EIF4ENIF1: variants seen among roughly 807,000 people sequenced by gnomAD.
EIF4ENIF1 encodes the protein eukaryotic translation initiation factor 4E transporter.
In EIF4ENIF1, 23 loss-of-function variants were observed where a neutral mutation model predicts 110.5. That is an observed-to-expected ratio of 0.21 (90% CI 0.15 to 0.29). EIF4ENIF1 has a LOEUF of 0.29. EIF4ENIF1 is among the 10% of genes least tolerant of loss of function. EIF4ENIF1 has a pLI of 1.00. For synonymous variants in EIF4ENIF1, 440 were observed against 437.0 expected, an observed-to-expected ratio of 1.01 and a Z score of -0.09; for missense variants, 1,031 against 1,221.1, an observed-to-expected ratio of 0.84 and a Z score of 2.32.
chr22:31,450,371 C>A lies in EIF4ENIF1; in HGVS notation c.1513-11G>T, dbSNP rs1346891574. The A allele has an allele frequency of 3.7e-6, 6 of 1,610,846 alleles. No homozygotes were observed. The Admixed American group carries it at 6.7e-5, about 18-fold the overall frequency. On this transcript the variant is annotated splice_polypyrimidine_tract_variant and intron_variant, in intron 10 of 18. Coordinates refer to ENST00000330125, the MANE Select transcript of EIF4ENIF1 (RefSeq NM_019843.4). ...GCTTTCAAGGTTTCGCTAAAAGAGTCAAAAGAAAACTGGTTTTAACTTTCT... is the reference window on the plus strand; with the variant it reads ...GCTTTCAAGGTTTCGCTAAAAGAGTAAAAAGAAAACTGGTTTTAACTTTCT...
rs2050580433 is a variant in EIF4ENIF1 at position 31,449,441 on chromosome 22, C to G, written c.1675G>C (p.Gly559Arg). 6.2e-7 allele frequency: 1 copy of G among 1,613,916 alleles called. No individual in the cohort carries two copies. The highest frequency in any genetic ancestry group is 8.5e-7 in the Non-Finnish European group (1 of 1,180,004). The change falls in exon 12 of 19, where the codon GGC becomes CGC. Residue 559 changes from glycine (G) to arginine (R), a missense_variant. Transcript: ENST00000330125. ...GSLEPTTSLL[G>R]QRAPSPPLSQ... ...AAGGGAGGAGAGGGTGCTCTTTGGCCCAGTAAAGATGTTGTAGGCTCCAAG... is the reference window on the plus strand; with the variant it reads ...AAGGGAGGAGAGGGTGCTCTTTGGCGCAGTAAAGATGTTGTAGGCTCCAAG...
At chr22:31,442,728 G>A (rs183532567) in intron 16 of EIF4ENIF1, among the ~76,000 whole-genome samples, 17 of 152,214 alleles carry the variant, frequency 1.1e-4, no homozygotes, top group East Asian at 9.6e-4. Context: ...CATTCTACCC[G>A]TCTGGTAGTA....
chr22:31,450,551 C>T (rs1408138481), intron 10 of EIF4ENIF1, 191 bp from the exon 11 acceptor site: 1 of 474,074 alleles, frequency 2.1e-6, no homozygotes, highest in African/African-American at 2.0e-5. Context: ...GATGGAAAGA[C>T]CGTTCACATG....
chr22:31,481,589 G>T (rs1263247929), intron 2 of EIF4ENIF1, among the ~76,000 whole-genome samples: 2 of 152,088 alleles, frequency 1.3e-5, no homozygotes, highest in East Asian at 3.8e-4. Flanking sequence ...TGGAAAAAGG[G>T]ACCACCTGAT....
In EIF4ENIF1 at chr22:31,468,154, TCTGAGTGA is replaced by T. The variant is rs757971494; in HGVS notation, c.298+13_298+20del. 1 of 1,610,440 alleles carries T rather than the reference TCTGAGTGA, an allele frequency of 6.2e-7. No individual in the cohort carries two copies. Among genetic ancestry groups the T allele is most frequent in the Admixed American group, 1.7e-5 (1 of 59,674 alleles). ...TGTCCCCAAAATCACTAACCCCACT[TCTGAGTGA>T]CTGTGTGCTCACCTACTATCCTGCG... On this transcript the variant is annotated intron_variant, in intron 4 of 18. Coordinates refer to ENST00000330125, the MANE Select transcript of EIF4ENIF1 (RefSeq NM_019843.4).
intron 11 of EIF4ENIF1, 97 bp downstream of exon 11, chr22:31,450,192 A>T: frequency 1.1e-6 from 1 of 922,436 alleles, no homozygotes; most frequent in Non-Finnish European, 1.7e-6. Context: ...GGCAACACAG[A>T]TCATTTTCTA....
At position 31,464,001 on chromosome 22, in the gene EIF4ENIF1, A is replaced by G. The variant is rs1327464271; in HGVS notation, c.299-34T>C. 3 of 1,588,900 alleles carry G rather than the reference A, an allele frequency of 1.9e-6. No individual in the cohort carries two copies. The South Asian group carries it at 3.4e-5, about 18-fold the overall frequency. On this transcript the variant is annotated intron_variant, in intron 4 of 18. Transcript: ENST00000330125. ...ACGTGGGAAAGACAAAGTTAAACAA[A>G]CCAACAAGGGTGTTTTCTTCTTTTT...
At chr22:31,443,259 C>CAA in intron 15 of EIF4ENIF1, 165 bp from the exon 16 acceptor site, 1 of 929,592 alleles carries the variant, frequency 1.1e-6, no homozygotes. Flanking sequence ...CAGAATGGGG[C>CAA]AAATAGGCAG....
At chr22:31,459,657 G>C (rs1269539326) in intron 6 of EIF4ENIF1, among the ~76,000 whole-genome samples, 4 of 152,198 alleles carry the variant, frequency 2.6e-5, no homozygotes, top group Non-Finnish European at 5.9e-5. Flanking sequence ...TGTAGTGCCA[G>C]GTATACTCTA....
intron 2 of EIF4ENIF1, among the ~76,000 whole-genome samples, chr22:31,487,474 G>A (rs969232746): frequency 2.0e-5 from 3 of 152,112 alleles, no homozygotes; most frequent in Admixed American, 1.3e-4. Context: ...CAGTATCCCA[G>A]GAAGCCAGGG....
chr22:31,446,854 T>G (rs2050495532), intron 14 of EIF4ENIF1: 1 of 292,868 alleles, frequency 3.4e-6, no homozygotes, highest in African/African-American at 2.3e-5. Context: ...TTATGATTAA[T>G]TTCATTTTAC....
chr22:31,456,266 C>A (rs1480826981), intron 7 of EIF4ENIF1, among the ~76,000 whole-genome samples: 1 of 149,788 alleles, frequency 6.7e-6, no homozygotes, highest in Non-Finnish European at 1.5e-5. Context: ...CTCTGTCACC[C>A]AGGCTGGAGT....
chr22:31,450,635 C>T (rs955056348), intron 10 of EIF4ENIF1: 72 of 315,608 alleles, frequency 2.3e-4, no homozygotes, highest in Admixed American at 9.5e-5. Flanking sequence ...ACACTGTGAC[C>T]AAAAGGGGGA....
intron 2 of EIF4ENIF1, among the ~76,000 whole-genome samples, chr22:31,473,124 A>T (rs1318348023): frequency 6.6e-6 from 1 of 151,618 alleles, no homozygotes; most frequent in Non-Finnish European, 1.5e-5. Context: ...TTACTCCTAA[A>T]TACTGCAGTG....
chr22:31,456,019 T>A (rs2050800581), intron 7 of EIF4ENIF1, 32 bp from the exon 8 acceptor site: 1 of 1,605,478 alleles, frequency 6.2e-7, no homozygotes, highest in South Asian at 1.1e-5. Context: ...ACTAATAGTT[T>A]CTAGATGAAA....
chr22:31,459,066 C>T (rs763688856), intron 6 of EIF4ENIF1, among the ~76,000 whole-genome samples: 13 of 151,558 alleles, frequency 8.6e-5, no homozygotes, highest in Non-Finnish European at 1.8e-4. Flanking sequence ...TATCTGGGAC[C>T]ACAGGTGCAC....
intron 7 of EIF4ENIF1, among the ~76,000 whole-genome samples, chr22:31,457,887 G>T (rs993467160): frequency 2.6e-5 from 4 of 152,054 alleles, no homozygotes; most frequent in Admixed American, 2.6e-4. Flanking sequence ...AAAAATTGGG[G>T]AGTGTATCCA....
chr22:31,456,063 C>A, intron 7 of EIF4ENIF1, 76 bp from the exon 8 acceptor site: 1 of 1,483,606 alleles, frequency 6.7e-7, no homozygotes, highest in South Asian at 1.2e-5. Context: ...ATGAAAGGGT[C>A]ACTTACTTTG....
rs116296439 is a variant in EIF4ENIF1 at position 31,469,546 on chromosome 22, G to A, written c.171-1244C>T. Among the ~76,000 whole-genome samples the A allele has an allele frequency of 5.2e-3, 789 of 152,280 alleles. 5 individuals are homozygous for A. Among genetic ancestry groups the A allele is most frequent in the African/African-American group, 0.018 (747 of 41,544 alleles). On this transcript the variant is annotated intron_variant, in intron 3 of 18. Transcript: ENST00000330125. ...ACTACCTACCTTCTAGGGTAGTGGT[G>A]AGGATTATCTAGCATTTAAGAGCCC...
Sources: gnomAD v4.1 joint callset for allele counts (sites outside exome capture counted in the v4.1 genomes callset) on GRCh38, gnomAD v4.1.1 for gene constraint, MANE v1.5 for transcripts, NCBI Gene and HGNC (gene_info 2026-07-23, HGNC 2026-07-21) for gene names.